Variants in CUX1 observed in about 807,000 individuals in gnomAD.
CUX1 encodes protein CASP.
A neutral mutation model predicts 158.8 loss-of-function variants in CUX1; 31 were observed. That is an observed-to-expected ratio of 0.20 (90% CI 0.15 to 0.26). The LOEUF (loss-of-function observed/expected upper bound fraction) is 0.26. Ranked by LOEUF, CUX1 falls within the 10% of genes least tolerant of loss-of-function variation. CUX1 has a pLI of 1.00. For missense variants in CUX1, 1,589 were observed against 2,014.6 expected, an observed-to-expected ratio of 0.79 and a Z score of 4.04; for synonymous variants, 879 against 862.1, an observed-to-expected ratio of 1.02 and a Z score of -0.34.
chr7:102,158,715 T>G (rs1554506112), intron 9 of CUX1, 107 bp downstream of exon 9: 2 of 1,035,936 alleles, frequency 1.9e-6, no homozygotes, highest in Non-Finnish European at 3.0e-6. Context: ...TCCTTCCATT[T>G]TTTACTGACA....
intron 8 of CUX1, among the ~76,000 whole-genome samples, chr7:102,150,152 G>GT (rs1194100386): frequency 5.9e-5 from 9 of 151,950 alleles, no homozygotes; most frequent in East Asian, 1.9e-4. Context: ...TGTTTTCTTT[G>GT]TTTTTTTGTT....
intron 2 of CUX1, among the ~76,000 whole-genome samples, chr7:101,996,778 C>T (rs1585215233): frequency 6.6e-6 from 1 of 151,650 alleles, no homozygotes; most frequent in South Asian, 2.1e-4. Flanking sequence ...TTGTCAAATA[C>T]AGCCCCAGGC....
At chr7:101,980,807 A>T (rs1813342341) in intron 2 of CUX1, among the ~76,000 whole-genome samples, 1 of 151,914 alleles carries the variant, frequency 6.6e-6, no homozygotes, top group Admixed American at 6.6e-5. Context: ...GCACGGATGT[A>T]CCTGGAAGCC....
At chr7:101,830,214 C>T (rs1302711693) in intron 1 of CUX1, among the ~76,000 whole-genome samples, 2 of 152,216 alleles carry the variant, frequency 1.3e-5, no homozygotes, top group African/African-American at 4.8e-5. Context: ...TGATACCGCA[C>T]TCAAATCCAT....
intron 14 of CUX1, among the ~76,000 whole-genome samples, chr7:102,267,189 C>G (rs374795139): frequency 2.0e-5 from 3 of 149,828 alleles, no homozygotes; most frequent in Non-Finnish European, 4.5e-5. Flanking sequence ...AGCAGAGATA[C>G]CATGTGCACC....
intron 1 of CUX1, among the ~76,000 whole-genome samples, chr7:101,823,317 C>T (rs1316528351): frequency 6.6e-6 from 1 of 152,206 alleles, no homozygotes; most frequent in East Asian, 1.9e-4. Flanking sequence ...TAGGGATTTA[C>T]TAACACTGCC....
intron 3 of CUX1, among the ~76,000 whole-genome samples, chr7:102,058,938 T>A (rs1824461182): frequency 6.6e-6 from 1 of 152,168 alleles, no homozygotes; most frequent in African/African-American, 2.4e-5. Flanking sequence ...TAAATGACTT[T>A]ATTGACAGAA....
chr7:102,271,252 C>T (rs559815476), intron 14 of CUX1, among the ~76,000 whole-genome samples: 3 of 152,280 alleles, frequency 2.0e-5, no homozygotes, highest in Admixed American at 2.0e-4. Context: ...AGCTTAACGC[C>T]CTCTTTTTAT....
intron 2 of CUX1, among the ~76,000 whole-genome samples, chr7:101,948,438 C>T (rs1002683468): frequency 3.9e-5 from 6 of 152,096 alleles, no homozygotes; most frequent in African/African-American, 7.2e-5. Flanking sequence ...CGTGGTGCCT[C>T]GGGATTTTAT....
At chr7:102,003,916 G>A (rs563475392) in intron 2 of CUX1, among the ~76,000 whole-genome samples, 3 of 152,310 alleles carry the variant, frequency 2.0e-5, no homozygotes, top group African/African-American at 7.2e-5. Flanking sequence ...TAAGGTGGGA[G>A]GATTGCTTGA....
chr7:101,892,435 G>A (rs1800979168), intron 1 of CUX1, among the ~76,000 whole-genome samples: 1 of 152,050 alleles, frequency 6.6e-6, no homozygotes, highest in Non-Finnish European at 1.5e-5. Flanking sequence ...AAGTTACTGT[G>A]GGCTTCTAAT....
intron 8 of CUX1, among the ~76,000 whole-genome samples, chr7:102,149,407 A>T (rs1013797155): frequency 9.9e-5 from 2 of 20,202 alleles, no homozygotes; most frequent in African/African-American, 3.9e-4. Flanking sequence ...CTGCCCACCC[A>T]CCCACCCATG....
chr7:101,888,049 T>C (rs1288422186), intron 1 of CUX1, among the ~76,000 whole-genome samples: 1 of 152,110 alleles, frequency 6.6e-6, no homozygotes, highest in Non-Finnish European at 1.5e-5. Context: ...TAAACATTAT[T>C]GAGGCCGGGT....
chr7:101,939,093 ATATATATATATATATATATATG>A (rs1563036089), intron 2 of CUX1, among the ~76,000 whole-genome samples: 3 of 64,694 alleles, frequency 4.6e-5, no homozygotes, highest in Non-Finnish European at 6.9e-5. Context: ...ATATATATAT[ATATATATATATATATATATATG>A]ATGGTTCCAC....
intron 2 of CUX1, among the ~76,000 whole-genome samples, chr7:101,964,362 G>A (rs1186737480): frequency 6.6e-6 from 1 of 152,000 alleles, no homozygotes; most frequent in Non-Finnish European, 1.5e-5. Context: ...CAAAAAAAAG[G>A]TGAAAGAAAT....
At chr7:102,278,854 A>T (rs1791827426) in intron 18 of CUX1, among the ~76,000 whole-genome samples, 1 of 151,508 alleles carries the variant, frequency 6.6e-6, no homozygotes, top group African/African-American at 2.4e-5. Context: ...AGCCTGGCCG[A>T]CATAGTGAAA....
Position 102,197,386 on chromosome 7 carries a change from CTGTG to C in CUX1, c.1894+84_1894+87del, listed in dbSNP as rs1586165871. 7 of 1,443,034 alleles carry C rather than the reference CTGTG, an allele frequency of 4.9e-6. No homozygotes were observed. The East Asian group carries it at 6.9e-5, about 14-fold the overall frequency. The allele number at this position is 1,443,034 out of a possible 1,614,324, so 89.4% of individuals were successfully genotyped here. On this transcript the variant is annotated intron_variant, in intron 15 of 23. Transcript: ENST00000292535. ...TGTGTGTGTGCATGCGTGCGTGTGT[CTGTG>C]TGCGTGATGAAACATTTGTGCATCA...
At chr7:102,172,427 T>C (rs1252748199) in intron 10 of CUX1, among the ~76,000 whole-genome samples, 1 of 151,848 alleles carries the variant, frequency 6.6e-6, no homozygotes, top group African/African-American at 2.4e-5. Flanking sequence ...CATGGCTCGC[T>C]GTAGCCTTGA....
In CUX1 at chr7:102,001,646, G is replaced by A. The variant is rs188335217; in HGVS notation, c.142-26452G>A. Among the ~76,000 whole-genome samples the A allele has an allele frequency of 2.6e-4, 40 of 152,222 alleles. No individual in the cohort carries two copies. The East Asian group carries it at 6.6e-3, about 25-fold the overall frequency. ...GGCGTGAGCCACCGCGCCCGGCCCC[G>A]TTTGGTGTTTTTAATGCTGTATTGC... On this transcript the variant is annotated intron_variant, in intron 2 of 23. Transcript: ENST00000292535.
Sources: gnomAD v4.1 joint callset for allele counts (sites outside exome capture counted in the v4.1 genomes callset) on GRCh38, gnomAD v4.1.1 for gene constraint, MANE v1.5 for transcripts, NCBI Gene and HGNC (gene_info 2026-07-23, HGNC 2026-07-21) for gene names.